LRMDA: variants seen among roughly 807,000 people sequenced by gnomAD.
LRMDA encodes leucine rich melanocyte differentiation associated, also known as leucine-rich melanocyte differentiation-associated protein.
LRMDA carries 18 observed loss-of-function variants against 29.8 expected under a neutral mutation model. The ratio of observed to expected loss-of-function variants is 0.60; its 90% CI spans 0.42 to 0.90. The LOEUF is 0.90. Ranked by LOEUF, LRMDA falls within the 40% of genes least tolerant of loss-of-function variation. The pLI is 0.00. For missense variants in LRMDA, 273 were observed against 273.9 expected (o/e 1.00, Z 0.02); for synonymous variants, 125 against 109.4 (o/e 1.14, Z -0.89).
chr10:75,685,138 G>A (rs1171326002), intron 2 of LRMDA, among the ~76,000 whole-genome samples: 1 of 152,084 alleles, frequency 6.6e-6, no homozygotes, highest in Non-Finnish European at 1.5e-5. Flanking sequence ...TTTGTTGGAT[G>A]TAAAGCTGCT....
At position 76,251,226 on chromosome 10, in the gene LRMDA, C is replaced by CTTTTTT. The variant is rs558637864; in HGVS notation, c.517-73143_517-73138dup. ...CATTGAAGGTTATCTCCCGTCGCTT[C>CTTTTTT]TTTTTTTTTTTTTTTTTTTTTTTTT... On this transcript the variant is annotated intron_variant, in intron 5 of 6. Transcript: ENST00000611255. 5.7e-5 allele frequency among the ~76,000 whole-genome samples: 4 copies of CTTTTTT among 70,304 alleles called. 1 individual carries two copies. Among genetic ancestry groups the CTTTTTT allele is most frequent in the Non-Finnish European group, 2.8e-5 (1 of 35,202 alleles). The allele number at this position is 70,304 out of a possible 152,430, so 46.1% of individuals were successfully genotyped here. A position where few individuals can be genotyped will look rare whatever the true frequency, so the allele number is the denominator to read the frequency against.
intron 2 of LRMDA, among the ~76,000 whole-genome samples, chr10:75,486,542 C>T (rs1844915637): frequency 6.6e-6 from 1 of 151,842 alleles, no homozygotes; most frequent in African/African-American, 2.4e-5. Flanking sequence ...ACTGAGAGAG[C>T]ATTTTGAGGT....
intron 6 of LRMDA, among the ~76,000 whole-genome samples, chr10:76,503,729 T>G (rs1842933783): frequency 6.6e-6 from 1 of 151,872 alleles, no homozygotes; most frequent in Non-Finnish European, 1.5e-5. Flanking sequence ...TTTTTCATTA[T>G]TAGTCTAGCT....
intron 6 of LRMDA, among the ~76,000 whole-genome samples, chr10:76,513,660 T>C (rs1262163938): frequency 2.0e-5 from 3 of 152,178 alleles, no homozygotes; most frequent in Non-Finnish European, 4.4e-5. Flanking sequence ...CAATTTTATA[T>C]ATAATAGTTG....
intron 2 of LRMDA, among the ~76,000 whole-genome samples, chr10:75,523,427 C>T (rs1281923075): frequency 2.6e-5 from 4 of 152,126 alleles, no homozygotes; most frequent in African/African-American, 7.2e-5. Context: ...GTTCTGCTGC[C>T]CGGGGGCCTC....
intron 2 of LRMDA, among the ~76,000 whole-genome samples, chr10:75,815,257 TA>T (rs1281965052): frequency 6.6e-6 from 1 of 152,204 alleles, no homozygotes; most frequent in Non-Finnish European, 1.5e-5. Context: ...TACATAAAGA[TA>T]CCAGAGTTAT....
chr10:76,122,640 TA>T, intron 5 of LRMDA, among the ~76,000 whole-genome samples: 1 of 152,342 alleles, frequency 6.6e-6, no homozygotes, highest in Middle Eastern at 3.4e-3. Context: ...CTGTTGCTGT[TA>T]ACTTGTTTTA....
intron 2 of LRMDA, among the ~76,000 whole-genome samples, chr10:75,902,556 T>C (rs191272138): frequency 9.2e-5 from 14 of 152,338 alleles, no homozygotes; most frequent in African/African-American, 3.4e-4. Flanking sequence ...TTTTTGTTTG[T>C]TTATTCATTC....
intron 6 of LRMDA, among the ~76,000 whole-genome samples, chr10:76,449,881 C>T (rs762576640): frequency 2.0e-5 from 3 of 151,992 alleles, no homozygotes; most frequent in Non-Finnish European, 2.9e-5. Flanking sequence ...GTTATGCTAT[C>T]AACATTTTAT....
chr10:75,754,665 C>T (rs1843008757), intron 2 of LRMDA, among the ~76,000 whole-genome samples: 1 of 152,146 alleles, frequency 6.6e-6, no homozygotes, highest in Admixed American at 6.5e-5. Context: ...ATGTCAGAGG[C>T]CATCTGAAAC....
At chr10:75,990,982 T>C (rs1169706783) in intron 2 of LRMDA, among the ~76,000 whole-genome samples, 3 of 152,180 alleles carry the variant, frequency 2.0e-5, no homozygotes, top group Non-Finnish European at 4.4e-5. Context: ...GCAGTTGAAC[T>C]TCCCTGGACC....
At chr10:76,465,775 G>A (rs1842558648) in intron 6 of LRMDA, among the ~76,000 whole-genome samples, 1 of 152,104 alleles carries the variant, frequency 6.6e-6, no homozygotes, top group Non-Finnish European at 1.5e-5. Flanking sequence ...TGTTGGTGGG[G>A]TTGATTTCCT....
At chr10:76,376,744 T>A (rs1346679083) in intron 6 of LRMDA, among the ~76,000 whole-genome samples, 2 of 152,176 alleles carry the variant, frequency 1.3e-5, no homozygotes, top group Non-Finnish European at 2.9e-5. Flanking sequence ...GTATTTTGAC[T>A]TTTTAATAAT....
intron 6 of LRMDA, among the ~76,000 whole-genome samples, chr10:76,463,980 G>A (rs926268140): frequency 8.7e-5 from 12 of 137,936 alleles, no homozygotes; most frequent in Non-Finnish European, 1.2e-4. Flanking sequence ...ATGCATTGGC[G>A]TGATCTCGGT....
At chr10:76,353,423 G>T (rs937090322) in intron 6 of LRMDA, among the ~76,000 whole-genome samples, 2 of 151,900 alleles carry the variant, frequency 1.3e-5, no homozygotes, top group African/African-American at 4.8e-5. Context: ...TGAACTGAAA[G>T]GTTGACACAT....
At chr10:76,277,632 G>A (rs1156569719) in intron 5 of LRMDA, among the ~76,000 whole-genome samples, 3 of 152,024 alleles carry the variant, frequency 2.0e-5, no homozygotes, top group Non-Finnish European at 2.9e-5. Context: ...TTGCTGTGCT[G>A]TTTGTTTTCT....
At chr10:76,502,474 T>G (rs566999492) in intron 6 of LRMDA, among the ~76,000 whole-genome samples, 1 of 151,944 alleles carries the variant, frequency 6.6e-6, no homozygotes, top group Admixed American at 6.6e-5. Context: ...TTATATTGCT[T>G]CTTCTAATCC....
intron 5 of LRMDA, among the ~76,000 whole-genome samples, chr10:76,294,795 T>C (rs1020071550): frequency 7.2e-5 from 11 of 152,184 alleles, no homozygotes; most frequent in Non-Finnish European, 8.8e-5. Flanking sequence ...ATCAAAGGCA[T>C]TGGGATATTT....
intron 2 of LRMDA, among the ~76,000 whole-genome samples, chr10:75,584,219 A>T (rs562094999): frequency 9.2e-5 from 14 of 151,976 alleles, no homozygotes; most frequent in Admixed American, 8.5e-4. Context: ...CTAGGCTAGG[A>T]GCTGCCTGCA....
Sources: gnomAD v4.1 joint callset for allele counts (sites outside exome capture counted in the v4.1 genomes callset) on GRCh38, gnomAD v4.1.1 for gene constraint, MANE v1.5 for transcripts, NCBI Gene and HGNC (gene_info 2026-07-23, HGNC 2026-07-21) for gene names.